The following DENND6A variants were observed in gnomAD, a reference collection of about 807,000 sequenced individuals.
DENND6A encodes protein DENND6A.
In DENND6A, 43 loss-of-function variants were observed where a neutral mutation model predicts 95.5. That is an observed-to-expected ratio of 0.45 (90% confidence interval 0.35 to 0.58). The LOEUF is 0.58. Ranked by LOEUF, DENND6A falls within the 20% of genes least tolerant of loss-of-function variation. The probability of loss-of-function intolerance (pLI) is 0.00; values close to 1 mark genes in which losing one functional copy is unlikely to be tolerated. For missense variants in DENND6A, 574 were observed against 736.0 expected, an observed-to-expected ratio of 0.78 and a Z score of 2.55; for synonymous variants, 257 against 260.4, an observed-to-expected ratio of 0.99 and a Z score of 0.13.
chr3:57,663,896 G>A (rs915606849), intron 4 of DENND6A, among the ~76,000 whole-genome samples, 180 bp from the exon 5 acceptor site: 1 of 152,070 alleles, frequency 6.6e-6, no homozygotes, highest in African/African-American at 2.4e-5. Context: ...AATCATGACA[G>A]CAACAGCCAG....
rs551949251 is a variant in DENND6A at position 57,626,209 on chromosome 3, G to A, written c.*2005C>T. 6.6e-6 allele frequency: 1 copy of A among 152,582 alleles called. No homozygotes were observed. The highest frequency in any genetic ancestry group is 2.1e-4 in the South Asian group (1 of 4,836). 9.5% of individuals were successfully genotyped at this position (152,582 alleles called of 1,614,324 possible). ...TCAAGAGACTGTATCCATAAGAACAGGGCACATTTGGGTATTAGACCACAG... is the reference window on the plus strand; with the variant it reads ...TCAAGAGACTGTATCCATAAGAACAAGGCACATTTGGGTATTAGACCACAG... On this transcript the variant is annotated 3_prime_UTR_variant, in exon 20 of 20. Coordinates refer to ENST00000311128, the MANE Select transcript of DENND6A (RefSeq NM_152678.3).
chr3:57,671,464 A>T (rs2153416375), intron 3 of DENND6A, among the ~76,000 whole-genome samples: 1 of 151,876 alleles, frequency 6.6e-6, no homozygotes, highest in East Asian at 1.9e-4. Flanking sequence ...CGGGAGGCGG[A>T]GCTTGCAGTG....
At position 57,653,831 on chromosome 3, in the gene DENND6A, G is replaced by GT. The variant is rs571512945; in HGVS notation, c.818+3848dup. Reference sequence around the variant, plus strand: ...TGAAGGTCTGTAAGGAAATCACTGGGTTTTTTTTTTTTAGTACCACATTTA... The same window carrying GT: ...TGAAGGTCTGTAAGGAAATCACTGGGTTTTTTTTTTTTTAGTACCACATTTA... On this transcript the variant is annotated intron_variant, in intron 9 of 19. Coordinates refer to ENST00000311128, the MANE Select transcript of DENND6A (RefSeq NM_152678.3). Among the ~76,000 whole-genome samples, 218 of 139,678 alleles carry GT rather than the reference G, an allele frequency of 1.6e-3. 5 individuals are homozygous for GT. Among genetic ancestry groups the GT allele is most frequent in the South Asian group, 3.4e-3 (15 of 4,392 alleles). The allele number at this position is 139,678 out of a possible 152,430, so 91.6% of individuals were successfully genotyped here. A position where few individuals can be genotyped will look rare whatever the true frequency, so the allele number is the denominator to read the frequency against.
At chr3:57,690,916 C>A (rs1157284213) in intron 1 of DENND6A, among the ~76,000 whole-genome samples, 3 of 152,070 alleles carry the variant, frequency 2.0e-5, no homozygotes, top group Non-Finnish European at 2.9e-5. Context: ...GGAAAATTCA[C>A]AATGTTCATA....
chr3:57,649,922 TACAC>T (rs5849223), intron 9 of DENND6A, among the ~76,000 whole-genome samples: 6 of 148,454 alleles, frequency 4.0e-5, no homozygotes, highest in Admixed American at 6.8e-5. Context: ...TGTATATATA[TACAC>T]ACACACACAC....
chr3:57,628,763 G>T, intron 19 of DENND6A, 48 bp downstream of exon 19: 1 of 1,575,114 alleles, frequency 6.3e-7, no homozygotes, highest in Non-Finnish European at 8.7e-7. Flanking sequence ...AGAGGACAAT[G>T]TCTTCAAAGA....
Position 57,634,914 on chromosome 3 carries a change from C to A in DENND6A, c.1133-145G>T, listed in dbSNP as rs2070759908. ...AACATCTATTAATATGTTAAGGGTT[C>A]ATTCTTGGTATTTTAAAACTGGATA... is the stretch of plus-strand genomic sequence containing the variant. On this transcript the variant is annotated intron_variant, in intron 12 of 19. Coordinates refer to ENST00000311128, the MANE Select transcript of DENND6A (RefSeq NM_152678.3). 5.1e-6 allele frequency: 3 copies of A among 582,892 alleles called. No individual in the cohort carries two copies. In the East Asian group the frequency reaches 9.8e-5, roughly 19 times the overall value. The allele number at this position is 582,892 out of a possible 1,614,324, so 36.1% of individuals were successfully genotyped here.
chr3:57,641,314 T>C (rs998328514), intron 12 of DENND6A, among the ~76,000 whole-genome samples: 3 of 144,244 alleles, frequency 2.1e-5, no homozygotes, highest in Non-Finnish European at 4.5e-5. Flanking sequence ...TATATATTTA[T>C]ATTCAATATA....
Position 57,661,509 on chromosome 3 carries a change from G to T in DENND6A, c.556C>A (p.His186Asn). The T allele has an allele frequency of 1.3e-6, 2 of 1,579,876 alleles. No homozygotes were observed. Among genetic ancestry groups the T allele is most frequent in the East Asian group, 2.3e-5 (1 of 43,348 alleles). The change falls in exon 6 of 20, where the codon CAC becomes AAC. Residue 186 changes from histidine to asparagine, a missense_variant. Transcript: ENST00000311128. ...ISKLPYIHFF[H>N]TVLKQIAPEY... ...GGTGCTATCTGTTTGAGCACAGTGTGAAAAAAATGAATATAAGGTAGTTTG... is the reference window on the plus strand; with the variant it reads ...GGTGCTATCTGTTTGAGCACAGTGTTAAAAAAATGAATATAAGGTAGTTTG...
chr3:57,634,228 T>C (rs2070745048), intron 14 of DENND6A, among the ~76,000 whole-genome samples: 1 of 151,098 alleles, frequency 6.6e-6, no homozygotes, highest in Non-Finnish European at 1.5e-5. Context: ...AGGCCAGGAG[T>C]TCGAGACCAG....
At chr3:57,633,844 T>C (rs932245110) in intron 14 of DENND6A, among the ~76,000 whole-genome samples, 6 of 152,052 alleles carry the variant, frequency 3.9e-5, no homozygotes, top group Admixed American at 6.6e-5. Flanking sequence ...TGAGCCGAGA[T>C]TGTGCTATTG....
chr3:57,634,700 A>C lies in DENND6A; in HGVS notation c.1198+4T>G, dbSNP rs775535218. 9 of 1,544,104 alleles carry C rather than the reference A, an allele frequency of 5.8e-6. No homozygotes were observed. The highest frequency in any genetic ancestry group is 3.8e-5 in the Admixed American group (2 of 52,184). ...TATATTTAAAAATCAATAAAAGTCA[A>C]TACCAGGTTTGGAATCCAGAGTCTT... On this transcript the variant is annotated splice_donor_region_variant and intron_variant, in intron 13 of 19. Transcript: ENST00000311128.
chr3:57,630,958 C>G lies in DENND6A; in HGVS notation c.1374G>C (p.Leu458Phe). The G allele has an allele frequency of 1.2e-6, 2 of 1,613,302 alleles. No individual in the cohort carries two copies. The highest frequency in any genetic ancestry group is 2.2e-5 in the East Asian group (1 of 44,846). ...GGGAAATACTTTTCTGCAAAGGCATCAAGCTTGCCACATATCTTTCCTAAA... is the reference window on the plus strand; with the variant it reads ...GGGAAATACTTTTCTGCAAAGGCATGAAGCTTGCCACATATCTTTCCTAAA... ...IIPLERYVAS[L>F]MPLQKSISPW... The change falls in exon 16 of 20, where the codon TTG becomes TTC. Residue 458 changes from leucine (L) to phenylalanine (F), a missense_variant. This residue lies in a region of DENND6A where 452 missense variants were observed against 630.9 expected (regional missense o/e 0.72). Transcript: ENST00000311128.
At position 57,661,485 on chromosome 3, in the gene DENND6A, G is replaced by C. The variant is rs1459812124; in HGVS notation, c.580C>G (p.Pro194Ala). ...GGTTCATTCTTTTCAAAATACTCTG[G>C]TGCTATCTGTTTGAGCACAGTGTGA... is the stretch of plus-strand genomic sequence containing the variant. Reference protein sequence around the residue: ...FFHTVLKQIAPEYFEKNEPYL... With the variant: ...FFHTVLKQIAAEYFEKNEPYL... The change falls in exon 6 of 20, where the codon CCA becomes GCA. Residue 194 changes from proline (P) to alanine (A), a missense_variant. This residue lies in a region of DENND6A where 452 missense variants were observed against 630.9 expected (regional missense o/e 0.72). Transcript: ENST00000311128. 5 of 1,584,206 alleles carry C rather than the reference G, an allele frequency of 3.2e-6. No homozygotes were observed. The East Asian group carries it at 1.2e-4, about 37-fold the overall frequency.
intron 1 of DENND6A, among the ~76,000 whole-genome samples, chr3:57,682,624 T>G (rs2077176814): frequency 6.6e-6 from 1 of 152,176 alleles, no homozygotes; most frequent in Non-Finnish European, 1.5e-5. Flanking sequence ...AATTTTCACC[T>G]TCCACCAGAA....
intron 9 of DENND6A, among the ~76,000 whole-genome samples, chr3:57,653,064 C>T (rs1354408953): frequency 1.3e-5 from 2 of 152,114 alleles, no homozygotes; most frequent in African/African-American, 4.8e-5. Flanking sequence ...GAAATAGACT[C>T]TAAAGTATTA....
intron 1 of DENND6A, among the ~76,000 whole-genome samples, chr3:57,685,310 T>C (rs938945653): frequency 6.6e-6 from 1 of 152,164 alleles, no homozygotes; most frequent in African/African-American, 2.4e-5. Flanking sequence ...TTTATTTATT[T>C]TAAAATAATA....
At chr3:57,674,178 C>T (rs992421981) in intron 1 of DENND6A, among the ~76,000 whole-genome samples, 1 of 151,832 alleles carries the variant, frequency 6.6e-6, no homozygotes, top group Non-Finnish European at 1.5e-5. Flanking sequence ...GGCAGGAGAT[C>T]GAGACCATAC....
At position 57,634,783 on chromosome 3, in the gene DENND6A, C is replaced by T; in HGVS notation, c.1133-14G>A. 1 of 1,532,024 alleles carries T rather than the reference C, an allele frequency of 6.5e-7. No individual in the cohort carries two copies. Among genetic ancestry groups the T allele is most frequent in the Non-Finnish European group, 8.8e-7 (1 of 1,142,236 alleles). 94.9% of individuals were successfully genotyped at this position (1,532,024 alleles called of 1,614,324 possible). On this transcript the variant is annotated splice_polypyrimidine_tract_variant and intron_variant, in intron 12 of 19. Coordinates refer to ENST00000311128, the MANE Select transcript of DENND6A (RefSeq NM_152678.3). ...TAGGAATTTCACCTGAAGGAAGCAG[C>T]ATAAAGATTTTTATAATTATTCTAA...
Sources: gnomAD v4.1 joint callset for allele counts (sites outside exome capture counted in the v4.1 genomes callset) on GRCh38, gnomAD v4.1.1 for gene constraint, gnomAD v4.1.1 regional missense constraint, MANE v1.5 for transcripts, NCBI Gene and HGNC (gene_info 2026-07-23, HGNC 2026-07-21) for gene names.